Variants in SLC4A10 observed in about 807,000 individuals in gnomAD.
The protein encoded by SLC4A10 is solute carrier family 4 member 10.
In SLC4A10, 42 loss-of-function variants were observed where a neutral mutation model predicts 137.7. That is an observed-to-expected ratio of 0.30 (90% CI 0.24 to 0.39). The LOEUF (loss-of-function observed/expected upper bound fraction) is 0.39, where lower values mean the gene tolerates loss of function less well. Among genes scored for constraint, SLC4A10 ranks in the 10% least tolerant of loss-of-function variants. The pLI is 1.00. For synonymous variants in SLC4A10, 474 were observed against 464.1 expected, an observed-to-expected ratio of 1.02 and a Z score of -0.27; for missense variants, 925 against 1,355.0, an observed-to-expected ratio of 0.68 and a Z score of 4.98.
intron 19 of SLC4A10, among the ~76,000 whole-genome samples, chr2:161,954,407 A>G (rs1036436061): frequency 1.3e-5 from 2 of 152,084 alleles, no homozygotes; most frequent in Admixed American, 1.3e-4. Context: ...TTTTCCTCCC[A>G]TATGTCCATT....
In SLC4A10 at chr2:161,965,171, G is replaced by A. The variant is rs1329575832; in HGVS notation, c.3157G>A (p.Glu1053Lys). 1 of 1,606,410 alleles carries A rather than the reference G, an allele frequency of 6.2e-7. No homozygotes were observed. Among genetic ancestry groups the A allele is most frequent in the Non-Finnish European group, 8.5e-7 (1 of 1,175,506 alleles). The change falls in exon 23 of 27, where the codon GAA (glutamate) becomes AAA (lysine). Residue 1053 changes from glutamate (E) to lysine (K), a missense_variant and splice_region_variant. Glu to Lys is a moderately conservative substitution (Grantham distance 56). This residue lies in a region of SLC4A10 where 84 missense variants were observed against 76.9 expected (regional missense o/e 1.09). Coordinates refer to ENST00000446997, the MANE Select transcript of SLC4A10 (RefSeq NM_001178015.2). ...AAAGAAACTGGAAGATGCTGAAAAA[G>A]AAGTAAGAGCAAAATCAATGTTTTA... The part of the protein sequence containing the change: ...KKKKLEDAEK[E>K]EEQSMLAMED...
At chr2:161,955,472 G>T (rs1695489871) in intron 19 of SLC4A10, among the ~76,000 whole-genome samples, 2 of 152,100 alleles carry the variant, frequency 1.3e-5, no homozygotes, top group Admixed American at 6.6e-5. Context: ...TAGATATTTT[G>T]GTAAATTGTA....
At chr2:161,821,139 G>A (rs2057584725) in intron 3 of SLC4A10, among the ~76,000 whole-genome samples, 1 of 152,140 alleles carries the variant, frequency 6.6e-6, no homozygotes, top group Non-Finnish European at 1.5e-5. Context: ...ATTTGTAGAA[G>A]TTCTTTACAT....
At chr2:161,880,862 G>A (rs1191495043) in intron 9 of SLC4A10, among the ~76,000 whole-genome samples, 1 of 152,066 alleles carries the variant, frequency 6.6e-6, no homozygotes, top group Non-Finnish European at 1.5e-5. Flanking sequence ...GACAATGATA[G>A]TGCTTGTATT....
chr2:161,923,413 A>G (rs1688493706), intron 15 of SLC4A10, among the ~76,000 whole-genome samples: 1 of 152,182 alleles, frequency 6.6e-6, no homozygotes, highest in Non-Finnish European at 1.5e-5. Context: ...AGTAACAATA[A>G]TAAATAACCA....
At chr2:161,874,080 C>T (rs2061318714) in intron 8 of SLC4A10, 75 bp downstream of exon 8, 1 of 1,394,676 alleles carries the variant, frequency 7.2e-7, no homozygotes, top group Non-Finnish European at 9.8e-7. Flanking sequence ...GTGATTCAAA[C>T]ATTAAGCCAG....
chr2:161,721,487 T>G (rs2045667211), intron 1 of SLC4A10, among the ~76,000 whole-genome samples: 1 of 152,232 alleles, frequency 6.6e-6, no homozygotes, highest in Non-Finnish European at 1.5e-5. Context: ...AGAAATTCTT[T>G]TCTTTAAGAC....
chr2:161,837,190 T>C (rs1255831878), intron 3 of SLC4A10, among the ~76,000 whole-genome samples: 2 of 152,138 alleles, frequency 1.3e-5, no homozygotes, highest in Non-Finnish European at 2.9e-5. Context: ...ATATATATGA[T>C]CTCTACCTGG....
At chr2:161,981,440 A>G (rs2106023850) in intron 26 of SLC4A10, among the ~76,000 whole-genome samples, 1 of 152,352 alleles carries the variant, frequency 6.6e-6, no homozygotes. Context: ...CCAATTTTAC[A>G]GATGAAGAAA....
At chr2:161,724,802 A>T (rs2046049528) in intron 1 of SLC4A10, among the ~76,000 whole-genome samples, 1 of 152,046 alleles carries the variant, frequency 6.6e-6, no homozygotes, top group Non-Finnish European at 1.5e-5. Context: ...ATTAAGTAGC[A>T]CTTCCTTTTG....
intron 1 of SLC4A10, among the ~76,000 whole-genome samples, chr2:161,640,657 C>G (rs4107579): frequency 1.6e-5 from 1 of 62,226 alleles, no homozygotes; most frequent in Admixed American, 2.0e-4. Flanking sequence ...TCCTTCCTTC[C>G]TTCTTTCTTT....
At chr2:161,810,754 T>A (rs1486135508) in intron 3 of SLC4A10, among the ~76,000 whole-genome samples, 1 of 152,118 alleles carries the variant, frequency 6.6e-6, no homozygotes, top group Non-Finnish European at 1.5e-5. Flanking sequence ...GATGTGCTGC[T>A]GAATTCAGTT....
chr2:161,745,851 T>G (rs375177926), intron 1 of SLC4A10, among the ~76,000 whole-genome samples: 43 of 152,272 alleles, frequency 2.8e-4, no homozygotes, highest in South Asian at 1.5e-3. Flanking sequence ...CTTGGTGGTG[T>G]TGTGTAAAAT....
chr2:161,882,234 C>A, intron 9 of SLC4A10, 123 bp from the exon 10 acceptor site: 7 of 553,506 alleles, frequency 1.3e-5, no homozygotes, highest in South Asian at 7.4e-5. Context: ...CTATGAAAAA[C>A]TATGGAAGTA....
At chr2:161,844,926 G>T (rs1238722552) in intron 4 of SLC4A10, among the ~76,000 whole-genome samples, 1 of 152,040 alleles carries the variant, frequency 6.6e-6, no homozygotes, top group African/African-American at 2.4e-5. Flanking sequence ...CCACAGAAAA[G>T]GTCGTGCAAT....
At chr2:161,647,920 A>G (rs1202199277) in intron 1 of SLC4A10, among the ~76,000 whole-genome samples, 2 of 152,156 alleles carry the variant, frequency 1.3e-5, no homozygotes, top group Non-Finnish European at 2.9e-5. Flanking sequence ...AATAATACCA[A>G]CCCGATTAAA....
intron 19 of SLC4A10, among the ~76,000 whole-genome samples, chr2:161,951,949 C>T (rs78029508): frequency 0.013 from 2,005 of 152,058 alleles, 40 homozygotes; most frequent in East Asian, 0.099. Flanking sequence ...CTTTGTAGAA[C>T]GTAAGTTAAG....
chr2:161,752,588 A>G (rs1559169952), intron 1 of SLC4A10, among the ~76,000 whole-genome samples: 1 of 152,126 alleles, frequency 6.6e-6, no homozygotes, highest in Non-Finnish European at 1.5e-5. Context: ...GCCAGGATAT[A>G]AAATCAACAA....
At chr2:161,677,096 C>G (rs2040350630) in intron 1 of SLC4A10, among the ~76,000 whole-genome samples, 1 of 152,032 alleles carries the variant, frequency 6.6e-6, no homozygotes, top group Non-Finnish European at 1.5e-5. Context: ...GGGTGGATCC[C>G]TCATGAATGG....
Sources: gnomAD v4.1 joint callset for allele counts (sites outside exome capture counted in the v4.1 genomes callset) on GRCh38, gnomAD v4.1.1 for gene constraint, gnomAD v4.1.1 regional missense constraint, MANE v1.5 for transcripts, NCBI Gene and HGNC (gene_info 2026-07-23, HGNC 2026-07-21) for gene names.